The following NCAM2 variants were observed in gnomAD, a reference collection of about 807,000 sequenced individuals.
NCAM2 encodes the protein N-CAM-2.
NCAM2 carries 30 observed loss-of-function variants against 98.1 expected under a neutral mutation model. The ratio of observed to expected loss-of-function variants is 0.31; its 90% CI spans 0.23 to 0.41. The LOEUF (loss-of-function observed/expected upper bound fraction) is 0.41. Among genes scored for constraint, NCAM2 ranks in the 10% least tolerant of loss-of-function variants. NCAM2 has a pLI of 1.00. For synonymous variants in NCAM2, 368 were observed against 342.4 expected, an observed-to-expected ratio of 1.07 and a Z score of -0.83; for missense variants, 867 against 1,005.8, an observed-to-expected ratio of 0.86 and a Z score of 1.87.
At chr21:21,536,204 A>T (rs558940261) in intron 17 of NCAM2, among the ~76,000 whole-genome samples, 1 of 152,136 alleles carries the variant, frequency 6.6e-6, no homozygotes, top group South Asian at 2.1e-4. Flanking sequence ...AATGGATATT[A>T]CTAGTTTTTG....
At chr21:20,998,747 T>C (rs2063965749) in intron 1 of NCAM2, 129 bp downstream of exon 1, 1 of 926,340 alleles carries the variant, frequency 1.1e-6, no homozygotes, top group Non-Finnish European at 1.7e-6. Context: ...TTGTTGTTAT[T>C]ATTATTTTCG....
intron 1 of NCAM2, among the ~76,000 whole-genome samples, chr21:21,150,146 G>A (rs2067405819): frequency 6.6e-6 from 1 of 152,012 alleles, no homozygotes; most frequent in African/African-American, 2.4e-5. Context: ...ACTGTAAATG[G>A]TATTGTGTTT....
chr21:21,232,652 T>C (rs145295707), intron 1 of NCAM2, among the ~76,000 whole-genome samples: 276 of 151,838 alleles, frequency 1.8e-3, no homozygotes, highest in African/African-American at 6.6e-3. Context: ...TTGCTAGATA[T>C]GTAAACGTAT....
chr21:21,482,794 A>C (rs962182191), intron 15 of NCAM2, among the ~76,000 whole-genome samples: 1 of 151,846 alleles, frequency 6.6e-6, no homozygotes, highest in African/African-American at 2.4e-5. Context: ...CTTATTAAAG[A>C]TGTACTTATT....
chr21:21,501,617 CTTT>C (rs5842933), intron 15 of NCAM2, among the ~76,000 whole-genome samples: 4 of 143,974 alleles, frequency 2.8e-5, no homozygotes, highest in Non-Finnish European at 4.6e-5. Context: ...ATTAATGTTC[CTTT>C]TTTTTTTTTT....
At chr21:21,286,473 C>G (rs771343027) in intron 4 of NCAM2, 61 bp downstream of exon 4, 156 of 1,512,954 alleles carry the variant, frequency 1.0e-4, no homozygotes, top group Non-Finnish European at 1.3e-4. Context: ...TTTTAAAAAT[C>G]TGAATCTATG....
At position 21,338,515 on chromosome 21, in the gene NCAM2, C is replaced by T. The variant is rs778731911; in HGVS notation, c.1025C>T (p.Thr342Met). Residue 342 changes from threonine to methionine, a missense_variant, in exon 8 of 18, where the codon ACG (threonine) becomes ATG (methionine). By Grantham distance (81) the Thr-to-Met change is moderately conservative. This residue lies in a region of NCAM2 where 447 missense variants were observed against 495.7 expected (regional missense o/e 0.90). Coordinates refer to ENST00000400546, the MANE Select transcript of NCAM2 (RefSeq NM_004540.5). ...TGGAAAAGAGCTGTGGATGGCTTCA[C>T]GTTCACTGAAGGCGATAAGGTAACC... Reference protein sequence around the residue: ...ITWKRAVDGFTFTEGDKSLDG... With the variant: ...ITWKRAVDGFMFTEGDKSLDG... 9 of 1,610,344 alleles carry T rather than the reference C, an allele frequency of 5.6e-6. No homozygotes were observed. The African/African-American group carries it at 6.7e-5, about 12-fold the overall frequency.
chr21:21,542,853 T>C lies in NCAM2; in HGVS notation c.*4896T>C, dbSNP rs899941984. The C allele has an allele frequency of 3.4e-4, 52 of 151,842 alleles. No homozygotes were observed. The highest frequency in any genetic ancestry group is 7.9e-4 in the Admixed American group (12 of 15,168). 9.4% of individuals were successfully genotyped at this position (151,842 alleles called of 1,614,324 possible). On this transcript the variant is annotated 3_prime_UTR_variant, in exon 18 of 18. Transcript: ENST00000400546. ...ACAGAGATAGAATCTATGATTTAAT[T>C]TTGCAAATAGTTTTTTTAGAGAACA...
intron 9 of NCAM2, among the ~76,000 whole-genome samples, chr21:21,388,352 A>G (rs148345482): frequency 1.3e-5 from 2 of 152,292 alleles, no homozygotes; most frequent in African/African-American, 2.4e-5. Flanking sequence ...GATAAAGAAA[A>G]TATGGTAAGA....
chr21:21,534,745 T>C, intron 17 of NCAM2, 89 bp downstream of exon 17: 1 of 1,136,674 alleles, frequency 8.8e-7, no homozygotes, highest in Admixed American at 3.8e-5. Context: ...ATTTAAATAT[T>C]AATTATTTGT....
intron 1 of NCAM2, among the ~76,000 whole-genome samples, chr21:21,053,549 A>T (rs113262540): frequency 1.3e-5 from 2 of 151,460 alleles, no homozygotes; most frequent in Non-Finnish European, 3.0e-5. Flanking sequence ...TTAAAAATTA[A>T]TTGTTTTAAT....
chr21:21,488,792 T>A (rs757875293), intron 15 of NCAM2, among the ~76,000 whole-genome samples: 32 of 151,880 alleles, frequency 2.1e-4, no homozygotes, highest in Non-Finnish European at 1.0e-4. Flanking sequence ...TTATCACATA[T>A]ATTTTTGTCT....
At chr21:21,107,964 A>G (rs2066382654) in intron 1 of NCAM2, among the ~76,000 whole-genome samples, 1 of 152,118 alleles carries the variant, frequency 6.6e-6, no homozygotes, top group African/African-American at 2.4e-5. Flanking sequence ...ATTTATTAAT[A>G]TGTATTTGAA....
At chr21:21,083,922 G>C (rs1292357149) in intron 1 of NCAM2, among the ~76,000 whole-genome samples, 1 of 152,074 alleles carries the variant, frequency 6.6e-6, no homozygotes, top group East Asian at 1.9e-4. Flanking sequence ...ACTTGTATTC[G>C]TTTGTGTATA....
At chr21:21,200,620 A>G (rs1410866475) in intron 1 of NCAM2, among the ~76,000 whole-genome samples, 1 of 151,838 alleles carries the variant, frequency 6.6e-6, no homozygotes, top group African/African-American at 2.4e-5. Flanking sequence ...CAGACTATAA[A>G]CATTTTTTTT....
chr21:21,542,177 A>G lies in NCAM2; in HGVS notation c.*4220A>G, dbSNP rs1990257033. The stretch of plus-strand genomic sequence containing the variant: ...GAAATTTATAAAAAGACCCACATAT[A>G]GTAGTTGCTGAACAAACATAATTTT... On this transcript the variant is annotated 3_prime_UTR_variant, in exon 18 of 18. Transcript: ENST00000400546. 1 of 151,878 alleles carries G rather than the reference A, an allele frequency of 6.6e-6. No individual in the cohort carries two copies. The highest frequency in any genetic ancestry group is 2.4e-5 in the African/African-American group (1 of 41,430). 9.4% of individuals were successfully genotyped at this position (151,878 alleles called of 1,614,324 possible). A position where few individuals can be genotyped will look rare whatever the true frequency, so the allele number is the denominator to read the frequency against.
At chr21:21,278,312 T>G (rs2072805157) in intron 1 of NCAM2, among the ~76,000 whole-genome samples, 1 of 152,104 alleles carries the variant, frequency 6.6e-6, no homozygotes, top group Non-Finnish European at 1.5e-5. Flanking sequence ...GATTCAAGCT[T>G]CTTATAAGGG....
chr21:21,320,051 A>T (rs372870478), intron 5 of NCAM2, among the ~76,000 whole-genome samples: 2 of 152,180 alleles, frequency 1.3e-5, no homozygotes, highest in East Asian at 1.9e-4. Context: ...TAAAGCCTTT[A>T]CTGTGTTGTT....
chr21:21,113,163 A>G (rs2066487936), intron 1 of NCAM2, among the ~76,000 whole-genome samples: 1 of 152,166 alleles, frequency 6.6e-6, no homozygotes, highest in Non-Finnish European at 1.5e-5. Context: ...ACCAAACAAA[A>G]CTATTTTCAT....
Sources: gnomAD v4.1 joint callset for allele counts (sites outside exome capture counted in the v4.1 genomes callset) on GRCh38, gnomAD v4.1.1 for gene constraint, gnomAD v4.1.1 regional missense constraint, MANE v1.5 for transcripts, NCBI Gene and HGNC (gene_info 2026-07-23, HGNC 2026-07-21) for gene names.